Variants in PCGF3 observed in about 807,000 individuals in gnomAD.
PCGF3 encodes the protein polycomb group RING finger protein 3.
A neutral mutation model predicts 33.1 loss-of-function variants in PCGF3; 7 were observed. The ratio of observed to expected loss-of-function variants is 0.21; its 90% CI spans 0.12 to 0.40. The LOEUF is 0.40. Ranked by LOEUF, PCGF3 falls within the 10% of genes least tolerant of loss-of-function variation. The probability of loss-of-function intolerance (pLI) is 1.00; values close to 1 mark genes in which losing one functional copy is unlikely to be tolerated. For synonymous variants in PCGF3, 153 were observed against 121.3 expected (o/e 1.26, Z -1.72); for missense variants, 211 against 313.3 (o/e 0.67, Z 2.46).
At chr4:705,884 G>C (rs1009715081) in exon 1 of PCGF3, 53 of 152,152 alleles carry the variant, frequency 3.5e-4, no homozygotes, top group African/African-American at 1.1e-3. Context: ...CCTCCTCTTG[G>C]GGGGGACCCA....
At chr4:735,022 C>T in exon 5 of PCGF3, 1 of 1,612,138 alleles carries the variant, frequency 6.2e-7, no homozygotes, top group Non-Finnish European at 8.5e-7. Flanking sequence ...CCCTGCAGTA[C>T]ATCGGGTGAG....
intron 10 of PCGF3, among the ~76,000 whole-genome samples, chr4:765,417 A>C (rs1055096186): frequency 1.4e-5 from 2 of 139,552 alleles, no homozygotes; most frequent in African/African-American, 5.6e-5. Context: ...TAGGCGACAG[A>C]GGGAGACTCT....
At chr4:725,637 G>C (rs373456268) in intron 1 of PCGF3, among the ~76,000 whole-genome samples, 1 of 151,128 alleles carries the variant, frequency 6.6e-6, no homozygotes, top group Non-Finnish European at 1.5e-5. Flanking sequence ...TGGGCTCTGC[G>C]CTGTGGCTGT....
At chr4:749,026 T>C (rs935960193) in intron 8 of PCGF3, among the ~76,000 whole-genome samples, 1 of 152,228 alleles carries the variant, frequency 6.6e-6, no homozygotes, top group Non-Finnish European at 1.5e-5. Flanking sequence ...TCCAGTTTAA[T>C]CTCTGTTTTG....
chr4:711,334 A>T (rs1742552265), intron 1 of PCGF3, among the ~76,000 whole-genome samples: 1 of 151,184 alleles, frequency 6.6e-6, no homozygotes, highest in Non-Finnish European at 1.5e-5. Flanking sequence ...TTATAAAGTG[A>T]GTCTTGTTTT....
At chr4:765,263 C>T (rs1261037222) in intron 10 of PCGF3, among the ~76,000 whole-genome samples, 199 bp downstream of exon 10, 1 of 152,196 alleles carries the variant, frequency 6.6e-6, no homozygotes, top group Non-Finnish European at 1.5e-5. Context: ...GAAACCCAAT[C>T]TCTACTAAAA....
rs1218485948 is a variant in PCGF3 at position 721,044 on chromosome 4, G to A, written c.-189-9586G>A. ...CAGATGGGAGGCATGGAGCAGACGG[G>A]ACTCCACGTGGCACCACCCCTCCCA... On this transcript the variant is annotated intron_variant, in intron 1 of 10. Coordinates refer to ENST00000362003, the Ensembl canonical transcript of PCGF3. The surrounding 1 kb of genome is among the most constrained non-coding windows in gnomAD (Gnocchi z 4.1). 6.6e-6 allele frequency among the ~76,000 whole-genome samples: 1 copy of A among 152,100 alleles called. No individual in the cohort carries two copies. Among genetic ancestry groups the A allele is most frequent in the African/African-American group, 2.4e-5 (1 of 41,398 alleles).
chr4:753,340 C>T (rs144909826), intron 8 of PCGF3, among the ~76,000 whole-genome samples: 1 of 152,140 alleles, frequency 6.6e-6, no homozygotes, highest in East Asian at 1.9e-4. Flanking sequence ...GCCACTGTAC[C>T]TGGCCTAGAA....
At position 720,586 on chromosome 4, in the gene PCGF3, G is replaced by A. The variant is rs11939128; in HGVS notation, c.-189-10044G>A. Among the ~76,000 whole-genome samples the A allele has an allele frequency of 3.8e-3, 563 of 149,498 alleles. 6 individuals carry two copies. The highest frequency in any genetic ancestry group is 0.014 in the African/African-American group (543 of 40,062). On this transcript the variant is annotated intron_variant, in intron 1 of 10. Transcript: ENST00000362003. The surrounding 1 kb of genome is among the most constrained non-coding windows in gnomAD (Gnocchi z 5.6). ...GACGTGAACAGGACCCCACGTGGAC[G>A]GGCAGTGACGTGCGTGTGGACCCGG...
chr4:769,827 T>A (rs1745547645), exon 11 of PCGF3: 1 of 152,704 alleles, frequency 6.5e-6, no homozygotes, highest in African/African-American at 2.4e-5. Context: ...CCACCCAGCC[T>A]TTACCAGCAG....
At chr4:734,761 G>T in intron 4 of PCGF3, 170 bp from the exon 5 acceptor site, 1 of 1,403,846 alleles carries the variant, frequency 7.1e-7, no homozygotes, top group East Asian at 2.7e-5. Flanking sequence ...TTGCTCCTGA[G>T]ACCAGAACGG....
chr4:763,626 C>A (rs1331106699), intron 9 of PCGF3, among the ~76,000 whole-genome samples: 1 of 152,216 alleles, frequency 6.6e-6, no homozygotes, highest in African/African-American at 2.4e-5. Context: ...GAAGTGGAAC[C>A]CGCAGGCCCT....
Position 766,193 on chromosome 4 carries a change from ATATT to A in PCGF3, c.*118_*121del, listed in dbSNP as rs552407686. 5.0e-4 allele frequency: 394 copies of A among 781,480 alleles called. 4 individuals carry two copies. In the South Asian group the frequency reaches 5.7e-3, roughly 11 times the overall value. 48.4% of individuals were successfully genotyped at this position (781,480 alleles called of 1,614,324 possible). Reference sequence around the variant, plus strand: ...TGTGGACCAGACTTCTGAATAGAGAATATTTATAACTTTTGTATGAGAGAGAATT... The same window carrying A: ...TGTGGACCAGACTTCTGAATAGAGAATATAACTTTTGTATGAGAGAGAATT... On this transcript the variant is annotated 3_prime_UTR_variant, in exon 11 of 11. Coordinates refer to ENST00000362003, the Ensembl canonical transcript of PCGF3.
chr4:709,986 T>C (rs1448690273), intron 1 of PCGF3, among the ~76,000 whole-genome samples: 1 of 152,234 alleles, frequency 6.6e-6, no homozygotes, highest in African/African-American at 2.4e-5. Context: ...CTTGTGAAGC[T>C]GAGTGTTCAG....
At chr4:753,805 G>A (rs572584976) in intron 8 of PCGF3, among the ~76,000 whole-genome samples, 140 of 152,086 alleles carry the variant, frequency 9.2e-4, no homozygotes, top group African/African-American at 3.1e-3. Flanking sequence ...AAAATTAGCC[G>A]GGCATGGTGG....
At chr4:760,912 A>C (rs1202851948) in intron 8 of PCGF3, among the ~76,000 whole-genome samples, 1 of 152,242 alleles carries the variant, frequency 6.6e-6, no homozygotes, top group Non-Finnish European at 1.5e-5. Flanking sequence ...CCCCGAGTGC[A>C]TTCGCAGACA....
intron 8 of PCGF3, among the ~76,000 whole-genome samples, chr4:752,191 C>T (rs546879823): frequency 3.5e-4 from 54 of 152,358 alleles, no homozygotes; most frequent in African/African-American, 1.3e-3. Flanking sequence ...GCCGCCTCTT[C>T]CACTGCCCTT....
chr4:758,638 C>T lies in PCGF3; in HGVS notation c.463-2641C>T, dbSNP rs1744899480. Among the ~76,000 whole-genome samples the T allele has an allele frequency of 2.4e-5, 3 of 125,872 alleles. No homozygotes were observed. The South Asian group carries it at 8.7e-4, about 36-fold the overall frequency. 82.6% of individuals were successfully genotyped at this position (125,872 alleles called of 152,430 possible). The stretch of plus-strand genomic sequence containing the variant: ...AGTTCTTTCTCCCCGCGCGGCCCCT[C>T]TCCCGAGTTCTTCTCCTTCCGGACT... On this transcript the variant is annotated intron_variant, in intron 8 of 10. Coordinates refer to ENST00000362003, the Ensembl canonical transcript of PCGF3.
At chr4:766,466 T>C (rs1418705714) in exon 11 of PCGF3, 7 of 169,146 alleles carry the variant, frequency 4.1e-5, no homozygotes, top group African/African-American at 1.4e-4. Context: ...ATGATAAGCC[T>C]CAAGTGTAGT....
Sources: gnomAD v4.1 joint callset for allele counts (sites outside exome capture counted in the v4.1 genomes callset) on GRCh38, gnomAD v4.1.1 for gene constraint, Gnocchi (gnomAD v3.1) non-coding constraint, MANE v1.5 for transcripts, NCBI Gene and HGNC (gene_info 2026-07-23, HGNC 2026-07-21) for gene names.